Variants in FANCA observed in about 807,000 individuals in gnomAD.
The protein encoded by FANCA is Fanconi anemia group A protein.
Under a neutral mutation model 194.3 loss-of-function variants are expected in FANCA, and 236 were observed. The ratio of observed to expected loss-of-function variants is 1.21; its 90% CI spans 1.09 to 1.35. The LOEUF is 1.35. Among genes scored for constraint, FANCA ranks in the 40% most tolerant of loss-of-function variants. FANCA has a pLI of 0.00. For synonymous variants in FANCA, 1,014 were observed against 715.8 expected (o/e 1.42, Z -6.65); for missense variants, 2,628 against 1,813.9 (o/e 1.45, Z -8.15).
At chr16:89,765,713 A>G (rs2143295594) in intron 27 of FANCA, among the ~76,000 whole-genome samples, 1 of 152,332 alleles carries the variant, frequency 6.6e-6, no homozygotes, top group East Asian at 1.9e-4. Flanking sequence ...AGAGCCTCCC[A>G]TGTTTATAAC....
At chr16:89,776,437 G>C (rs1324133216) in intron 20 of FANCA, among the ~76,000 whole-genome samples, 5 of 151,618 alleles carry the variant, frequency 3.3e-5, no homozygotes, top group African/African-American at 1.2e-4. Context: ...AAAGTGCTGG[G>C]ATTACAGGCG....
chr16:89,795,857 G>T, intron 11 of FANCA, 49 bp downstream of exon 11: 1 of 1,388,770 alleles, frequency 7.2e-7, no homozygotes, highest in Non-Finnish European at 1.0e-6. Flanking sequence ...CAAGGCAACA[G>T]CAATCCCCAA....
chr16:89,779,838 T>C, intron 18 of FANCA, 31 bp downstream of exon 18: 2 of 1,594,998 alleles, frequency 1.3e-6, no homozygotes. Context: ...ACACTGCAGC[T>C]GCTAGAGGCC....
chr16:89,783,474 C>T (rs2039791192), intron 15 of FANCA, among the ~76,000 whole-genome samples: 1 of 151,700 alleles, frequency 6.6e-6, no homozygotes, highest in South Asian at 2.1e-4. Context: ...TGGCGGGAAC[C>T]CAGGAGGCGG....
intron 14 of FANCA, among the ~76,000 whole-genome samples, chr16:89,790,428 A>C: frequency 6.6e-6 from 1 of 151,030 alleles, no homozygotes; most frequent in Non-Finnish European, 1.5e-5. Context: ...AAAATAAATA[A>C]ATAAATAAAT....
chr16:89,745,157 C>G, intron 35 of FANCA, 86 bp from the exon 36 acceptor site: 2 of 1,294,802 alleles, frequency 1.5e-6, no homozygotes, highest in Non-Finnish European at 2.2e-6. Context: ...CCCCAGTGCT[C>G]CTACAGGCCA....
At chr16:89,809,926 T>C (rs1396269009) in intron 5 of FANCA, among the ~76,000 whole-genome samples, 2 of 151,564 alleles carry the variant, frequency 1.3e-5, no homozygotes, top group Admixed American at 1.3e-4. Context: ...CTAAGGTGGC[T>C]GAGGCAGGAC....
At chr16:89,792,632 G>C in intron 11 of FANCA, 85 bp from the exon 12 acceptor site, 1 of 1,174,456 alleles carries the variant, frequency 8.5e-7, no homozygotes, top group South Asian at 1.3e-5. Flanking sequence ...CACAGGGTCG[G>C]TGGGTCTCTC....
chr16:89,788,190 C>T (rs759330441), intron 14 of FANCA, among the ~76,000 whole-genome samples: 1 of 152,156 alleles, frequency 6.6e-6, no homozygotes, highest in Non-Finnish European at 1.5e-5. Flanking sequence ...AGGCCAAGTG[C>T]GTTGGCTCAT....
At chr16:89,774,740 A>C (rs1416745224) in intron 21 of FANCA, among the ~76,000 whole-genome samples, 1 of 145,994 alleles carries the variant, frequency 6.8e-6, no homozygotes, top group Non-Finnish European at 1.5e-5. Flanking sequence ...AAAAAAAAAA[A>C]AAAAAAAAAA....
At chr16:89,799,328 C>T in intron 9 of FANCA, 96 bp from the exon 10 acceptor site, 8 of 1,419,560 alleles carry the variant, frequency 5.6e-6, no homozygotes, top group East Asian at 2.3e-5. Context: ...AGATCCACTT[C>T]AACCCCCCAG....
Position 89,805,263 on chromosome 16 carries a change from T to C in FANCA, c.709+17A>G. On this transcript the variant is annotated intron_variant, in intron 7 of 42. Coordinates refer to ENST00000389301, the MANE Select transcript of FANCA (RefSeq NM_000135.4). ...AATGAGTTTTACCCAAGAACCCGCA[T>C]CTTGTCATGAACGCACCAGAAAGCA... The C allele has an allele frequency of 6.3e-7, 1 of 1,598,120 alleles. No individual in the cohort carries two copies. The highest frequency in any genetic ancestry group is 1.3e-5 in the African/African-American group (1 of 74,700).
At chr16:89,772,309 T>C (rs2039353553) in intron 22 of FANCA, among the ~76,000 whole-genome samples, 1 of 152,264 alleles carries the variant, frequency 6.6e-6, no homozygotes, top group African/African-American at 2.4e-5. Flanking sequence ...TACCACATTC[T>C]GCACAAGCCA....
intron 3 of FANCA, among the ~76,000 whole-genome samples, chr16:89,812,658 A>AC (rs1323684535): frequency 6.7e-6 from 1 of 148,166 alleles, no homozygotes; most frequent in African/African-American, 2.6e-5. Flanking sequence ...AAAAAAAAAA[A>AC]AAAAAAAAAA....
intron 29 of FANCA, among the ~76,000 whole-genome samples, chr16:89,760,136 G>C (rs1359847495): frequency 6.6e-6 from 1 of 152,250 alleles, no homozygotes; most frequent in African/African-American, 2.4e-5. Context: ...CTTCCACGCA[G>C]CGGTGACCTG....
rs34471552 is a variant in FANCA, at chr16:89,771,155, C to CAAAAAAAAAAAAAAAAAAAAAA, written c.2151+522_2152-521insTTTTTTTTTTTTTTTTTTTTTT. Among the ~76,000 whole-genome samples the CAAAAAAAAAAAAAAAAAAAAAA allele has an allele frequency of 3.4e-4, 19 of 56,646 alleles. 1 individual carries two copies. The highest frequency in any genetic ancestry group is 1.3e-3 in the African/African-American group (18 of 13,738). 37.2% of individuals were successfully genotyped at this position (56,646 alleles called of 152,430 possible). The stretch of plus-strand genomic sequence containing the variant: ...GCCTGGGCAACAGAGAAGACTCAGT[C>CAAAAAAAAAAAAAAAAAAAAAA]AAAAAAAAAAAAAAAAAAAGAGGCC... On this transcript the variant is annotated intron_variant, in intron 23 of 42. Coordinates refer to ENST00000389301, the MANE Select transcript of FANCA (RefSeq NM_000135.4).
At chr16:89,813,918 T>C (rs1220225398) in intron 3 of FANCA, among the ~76,000 whole-genome samples, 3 of 152,180 alleles carry the variant, frequency 2.0e-5, no homozygotes, top group Non-Finnish European at 4.4e-5. Context: ...GGTTTATCTG[T>C]GTGGCTGAGC....
intron 24 of FANCA, 128 bp from the exon 25 acceptor site, chr16:89,770,387 A>G: frequency 9.5e-7 from 1 of 1,056,706 alleles, no homozygotes; most frequent in Non-Finnish European, 1.4e-6. Context: ...TCTTTCTGGA[A>G]GACAACCCAT....
chr16:89,739,162 C>T lies in FANCA; in HGVS notation c.4138G>A (p.Ala1380Thr), dbSNP rs775234845. The T allele has an allele frequency of 4.3e-6, 7 of 1,614,170 alleles. No homozygotes were observed. In the South Asian group the frequency reaches 7.7e-5, roughly 18 times the overall value. Reference protein sequence around the residue: ...AGDTSTVSPPAGRSLELKGQG... With the variant: ...AGDTSTVSPPTGRSLELKGQG... Reference sequence around the variant, plus strand: ...CCCTTGAGCTCCAGGCTCCTGCCAGCTGGAGGTGAAACTGTGCTTGTATCC... The same window carrying T: ...CCCTTGAGCTCCAGGCTCCTGCCAGTTGGAGGTGAAACTGTGCTTGTATCC... The change falls in exon 41 of 43, where the codon GCT becomes ACT. Residue 1380 changes from alanine (A) to threonine (T), a missense_variant. Physicochemically the swap from Ala to Thr is moderately conservative, Grantham distance 58. Transcript: ENST00000389301.
Sources: allele counts gnomAD v4.1 joint callset (sites outside exome capture counted in the v4.1 genomes callset), GRCh38; gene constraint gnomAD v4.1.1; transcripts MANE v1.5; gene names NCBI Gene and HGNC (gene_info 2026-07-23, HGNC 2026-07-21).